The following CEP89 variants were observed in gnomAD, a reference collection of about 807,000 sequenced individuals.
CEP89 encodes the protein centrosomal protein 89, also known as centrosomal protein of 89 kDa.
CEP89 carries 95 observed loss-of-function variants against 97.6 expected under a neutral mutation model. That is an observed-to-expected ratio of 0.97 (90% CI 0.82 to 1.15). CEP89 has a LOEUF of 1.15. Ranked by LOEUF, CEP89 falls within the 50% of genes most tolerant of loss-of-function variation. The pLI is 0.00. For missense variants in CEP89, 869 were observed against 947.7 expected (o/e 0.92, Z 1.09); for synonymous variants, 354 against 349.1 (o/e 1.01, Z -0.16).
intron 5 of CEP89, among the ~76,000 whole-genome samples, chr19:32,940,391 C>A (rs1057171315): frequency 1.5e-4 from 23 of 149,462 alleles, no homozygotes; most frequent in African/African-American, 4.7e-4. Flanking sequence ...TCACGCTCTA[C>A]ACATCTTCCC....
intron 16 of CEP89, among the ~76,000 whole-genome samples, chr19:32,890,368 T>C (rs1969487187): frequency 6.6e-6 from 1 of 152,060 alleles, no homozygotes; most frequent in Non-Finnish European, 1.5e-5. Context: ...CCACTGCACT[T>C]CAGCCTGGGT....
At chr19:32,956,875 C>T (rs978205955) in intron 3 of CEP89, among the ~76,000 whole-genome samples, 2 of 152,206 alleles carry the variant, frequency 1.3e-5, no homozygotes, top group East Asian at 3.9e-4. Context: ...TGTGATAAGA[C>T]TGGATATTGG....
In CEP89 at chr19:32,879,176, C is replaced by T; in HGVS notation, c.2338G>A (p.Ala780Thr). The change falls in exon 19 of 19, where the codon GCC becomes ACC. Residue 780 changes from alanine to threonine, a missense_variant. Coordinates refer to ENST00000305768, the MANE Select transcript of CEP89 (RefSeq NM_032816.5). ...DVCSYDLKSH[A>T]PTC ...TCCCGCAGATTCTAGCAGGTGGGGG[C>T]ATGAGACTTCAGGTCATAGGAGCAG... 6.2e-7 allele frequency: 1 copy of T among 1,610,278 alleles called. No homozygotes were observed. The highest frequency in any genetic ancestry group is 2.2e-5 in the East Asian group (1 of 44,798).
chr19:32,880,013 G>A (rs974961484), intron 18 of CEP89, among the ~76,000 whole-genome samples: 3 of 152,256 alleles, frequency 2.0e-5, no homozygotes, highest in Admixed American at 6.5e-5. Context: ...GAGGGGCCGA[G>A]GCATGTGAGG....
At chr19:32,899,822 C>T (rs777840371) in intron 16 of CEP89, 35 bp downstream of exon 16, 10 of 1,576,394 alleles carry the variant, frequency 6.3e-6, no homozygotes, top group Admixed American at 5.3e-5. Flanking sequence ...CATATTAACT[C>T]GCAGTTTACT....
intron 16 of CEP89, 140 bp from the exon 17 acceptor site, chr19:32,887,981 A>G: frequency 4.8e-6 from 3 of 623,768 alleles, no homozygotes; most frequent in Non-Finnish European, 8.5e-6. Context: ...TTCCCCACCC[A>G]CTGTGTGAGG....
intron 4 of CEP89, among the ~76,000 whole-genome samples, chr19:32,951,511 T>TTATATA (rs72440449): frequency 6.8e-5 from 9 of 132,040 alleles, no homozygotes; most frequent in African/African-American, 2.1e-4. Flanking sequence ...CAACAAAAAA[T>TTATATA]TATATATATA....
intron 2 of CEP89, chr19:32,963,467 G>A (rs907373669): frequency 6.6e-6 from 1 of 152,184 alleles, no homozygotes; most frequent in Admixed American, 6.6e-5. Context: ...ACAACCCCTT[G>A]TGCTCTTTTA....
chr19:32,960,101 T>G, intron 2 of CEP89, 43 bp from the exon 3 acceptor site: 2 of 1,606,862 alleles, frequency 1.2e-6, no homozygotes, highest in Non-Finnish European at 1.7e-6. Flanking sequence ...GACATGAACA[T>G]TCCAGGTGAA....
At chr19:32,944,473 A>G (rs1769080506) in intron 5 of CEP89, among the ~76,000 whole-genome samples, 1 of 152,128 alleles carries the variant, frequency 6.6e-6, no homozygotes, top group Non-Finnish European at 1.5e-5. Flanking sequence ...ACCACGTGGT[A>G]TGCTCCTGAG....
In CEP89 at chr19:32,923,435, T is replaced by C. The variant is rs1220364213; in HGVS notation, c.1268+4A>G. The stretch of plus-strand genomic sequence containing the variant: ...CAAAAGAGCAGAAACACAATGCCAC[T>C]TGCCATTCCTCACTGGTAACAGCAC... On this transcript the variant is annotated splice_donor_region_variant and intron_variant, in intron 12 of 18. Coordinates refer to ENST00000305768, the MANE Select transcript of CEP89 (RefSeq NM_032816.5). 2 of 1,488,046 alleles carry C rather than the reference T, an allele frequency of 1.3e-6. No individual in the cohort carries two copies. The highest frequency in any genetic ancestry group is 1.4e-5 in the African/African-American group (1 of 72,490). 92.2% of individuals were successfully genotyped at this position (1,488,046 alleles called of 1,614,324 possible).
Position 32,902,008 on chromosome 19 carries a change from CTCTG to C in CEP89, c.1566-600_1566-597del, listed in dbSNP as rs1175019145. On this transcript the variant is annotated intron_variant, in intron 14 of 18. Coordinates refer to ENST00000305768, the MANE Select transcript of CEP89 (RefSeq NM_032816.5). Reference sequence around the variant, plus strand: ...TCTCTGTCTCTCTGTCTCTCTCTCTCTCTGTGTGTGTGTGTGTGTGTGTGTGTGT... The same window carrying C: ...TCTCTGTCTCTCTGTCTCTCTCTCTCTGTGTGTGTGTGTGTGTGTGTGTGT... Among the ~76,000 whole-genome samples, 194 of 99,644 alleles carry C rather than the reference CTCTG, an allele frequency of 1.9e-3. 1 individual carries two copies. The highest frequency in any genetic ancestry group is 8.7e-3 in the African/African-American group (185 of 21,288). The allele number at this position is 99,644 out of a possible 152,430, so 65.4% of individuals were successfully genotyped here.
At position 32,879,188 on chromosome 19, in the gene CEP89, G is replaced by A; in HGVS notation, c.2326C>T (p.Leu776=). The part of the protein sequence containing the change: ...LDGCDVCSYD[L]KSHAPTC ...TAGCAGGTGGGGGCATGAGACTTCA[G>A]GTCATAGGAGCAGACATCGCAGCCG... is the stretch of plus-strand genomic sequence containing the variant. Residue 776 remains leucine (L), a synonymous_variant, in exon 19 of 19, where the codon CTG becomes TTG. Coordinates refer to ENST00000305768, the MANE Select transcript of CEP89 (RefSeq NM_032816.5). 7.4e-6 allele frequency: 12 copies of A among 1,613,584 alleles called. No individual in the cohort carries two copies. Among genetic ancestry groups the A allele is most frequent in the Non-Finnish European group, 1.0e-5 (12 of 1,179,636 alleles).
exon 1 of CEP89, chr19:32,971,950 AAGCCCGCCGCAGGCCC>A: frequency 6.7e-7 from 1 of 1,500,458 alleles, no homozygotes; most frequent in South Asian, 1.2e-5. Flanking sequence ...CCACTCCCTA[AAGCCCGCCGCAGGCCC>A]AGCCCTCACG....
At chr19:32,920,280 T>A (rs895536879) in intron 12 of CEP89, among the ~76,000 whole-genome samples, 3 of 151,866 alleles carry the variant, frequency 2.0e-5, no homozygotes, top group African/African-American at 7.3e-5. Flanking sequence ...AGTGGTGTGA[T>A]CATAGCTCAC....
At chr19:32,924,345 A>G (rs1471753333) in intron 11 of CEP89, among the ~76,000 whole-genome samples, 1 of 152,110 alleles carries the variant, frequency 6.6e-6, no homozygotes. Context: ...TACTAGCGTC[A>G]TCAGTCTGCA....
intron 4 of CEP89, among the ~76,000 whole-genome samples, chr19:32,952,031 A>G (rs1041980650): frequency 1.4e-4 from 21 of 152,160 alleles, no homozygotes; most frequent in African/African-American, 4.8e-4. Context: ...ACAGTTGTCC[A>G]TATTGAGCTC....
chr19:32,928,000 C>A (rs1250105292), intron 9 of CEP89, among the ~76,000 whole-genome samples: 1 of 144,980 alleles, frequency 6.9e-6, no homozygotes, highest in Non-Finnish European at 1.5e-5. Context: ...ACTGTAACAT[C>A]TGCCTCCCAG....
chr19:32,877,503 C>T lies in CEP89; in HGVS notation c.*1659G>A, dbSNP rs1462836642. 2 of 152,070 alleles carry T rather than the reference C, an allele frequency of 1.3e-5. No homozygotes were observed. The highest frequency in any genetic ancestry group is 4.8e-5 in the African/African-American group (2 of 41,302). 9.4% of individuals were successfully genotyped at this position (152,070 alleles called of 1,614,324 possible). A position where few individuals can be genotyped will look rare whatever the true frequency, so the allele number is the denominator to read the frequency against. On this transcript the variant is annotated 3_prime_UTR_variant, in exon 19 of 19. Coordinates refer to ENST00000305768, the MANE Select transcript of CEP89 (RefSeq NM_032816.5). Reference sequence around the variant, plus strand: ...TTTTCCTGAGGAGGTGGCACGTCATCTAACACACATGGGACAGAACCATGG... The same window carrying T: ...TTTTCCTGAGGAGGTGGCACGTCATTTAACACACATGGGACAGAACCATGG...
Sources: allele counts gnomAD v4.1 joint callset (sites outside exome capture counted in the v4.1 genomes callset), GRCh38; gene constraint gnomAD v4.1.1; transcripts MANE v1.5; gene names NCBI Gene and HGNC (gene_info 2026-07-23, HGNC 2026-07-21).